Variants in AGPAT5 observed in about 807,000 individuals in gnomAD.
The protein encoded by AGPAT5 is 1-acylglycerol-3-phosphate O-acyltransferase 5, also known as 1-acyl-sn-glycerol-3-phosphate acyltransferase epsilon.
A neutral mutation model predicts 45.6 loss-of-function variants in AGPAT5; 46 were observed. That is an observed-to-expected ratio of 1.01 (90% confidence interval 0.80 to 1.29). AGPAT5 has a LOEUF of 1.29. AGPAT5 is among the 50% of genes most tolerant of loss of function. The pLI, the probability that AGPAT5 is intolerant of heterozygous loss-of-function variation, is 0.00. For missense variants in AGPAT5, 673 were observed against 450.7 expected, an observed-to-expected ratio of 1.49 and a Z score of -4.47; for synonymous variants, 272 against 167.0, an observed-to-expected ratio of 1.63 and a Z score of -4.85.
rs757728859 is a variant in AGPAT5, at chr8:6,730,705, C to T, written c.290-6C>T. On this transcript the variant is annotated splice_polypyrimidine_tract_variant and splice_region_variant and intron_variant, in intron 2 of 7. Coordinates refer to ENST00000285518, the MANE Select transcript of AGPAT5 (RefSeq NM_018361.5). Reference sequence around the variant, plus strand: ...TGTACGCGCTAACTGGGTCCTGTCTCTGCAGTTGACTGGATTGTTGCTGAC... The same window carrying T: ...TGTACGCGCTAACTGGGTCCTGTCTTTGCAGTTGACTGGATTGTTGCTGAC... 3.1e-6 allele frequency: 5 copies of T among 1,604,666 alleles called. No individual in the cohort carries two copies. The highest frequency in any genetic ancestry group is 1.7e-5 in the Admixed American group (1 of 59,942).
At chr8:6,730,885 T>TG (rs1800840573) in intron 3 of AGPAT5, 59 bp downstream of exon 3, 1 of 1,224,344 alleles carries the variant, frequency 8.2e-7, no homozygotes, top group Non-Finnish European at 1.1e-6. Flanking sequence ...TTTTTTTTTT[T>TG]TTTGGAGACA....
At chr8:6,755,588 G>A (rs1486867036) in intron 7 of AGPAT5, among the ~76,000 whole-genome samples, 1 of 152,208 alleles carries the variant, frequency 6.6e-6, no homozygotes, top group East Asian at 1.9e-4. Flanking sequence ...ATGCGGACGT[G>A]CAGGTGGACA....
rs376636029 is a variant in AGPAT5 at position 6,730,757 on chromosome 8, A to T, written c.336A>T (p.Leu112=). 1.2e-6 allele frequency: 2 copies of T among 1,613,656 alleles called. No individual in the cohort carries two copies. The highest frequency in any genetic ancestry group is 1.3e-5 in the African/African-American group (1 of 75,042). ...TCTTGGCCATCAGGCAGAATGCGCTAGGACATGTGCGCTACGTGCTGAAAG... is the reference window on the plus strand; with the variant it reads ...TCTTGGCCATCAGGCAGAATGCGCTTGGACATGTGCGCTACGTGCTGAAAG... ...ADILAIRQNA[L]GHVRYVLKEG... is the part of the protein sequence containing the mutation. The change falls in exon 3 of 8, where the codon CTA becomes CTT. Residue 112 remains leucine, a synonymous_variant. Coordinates refer to ENST00000285518, the MANE Select transcript of AGPAT5 (RefSeq NM_018361.5).
At chr8:6,720,185 T>C (rs1176264356) in intron 1 of AGPAT5, among the ~76,000 whole-genome samples, 5 of 152,162 alleles carry the variant, frequency 3.3e-5, no homozygotes, top group African/African-American at 1.2e-4. Flanking sequence ...GACCATGTGC[T>C]GTGGGAGTCA....
intron 1 of AGPAT5, among the ~76,000 whole-genome samples, chr8:6,718,261 C>A (rs1800396084): frequency 1.3e-5 from 2 of 152,192 alleles, no homozygotes; most frequent in Admixed American, 1.3e-4. Context: ...CAGGCCATGG[C>A]AGTTCCACAG....
At chr8:6,743,356 T>G (rs947323749) in intron 5 of AGPAT5, among the ~76,000 whole-genome samples, 1 of 152,230 alleles carries the variant, frequency 6.6e-6, no homozygotes, top group Non-Finnish European at 1.5e-5. Context: ...CTGGACCCAT[T>G]TGTACAATTG....
At chr8:6,712,987 A>G (rs754408553) in intron 1 of AGPAT5, among the ~76,000 whole-genome samples, 8 of 152,144 alleles carry the variant, frequency 5.3e-5, no homozygotes, top group Admixed American at 3.3e-4. Context: ...TCAACACGTA[A>G]TAGATTGGGG....
intron 4 of AGPAT5, among the ~76,000 whole-genome samples, chr8:6,735,015 C>A (rs1467146323): frequency 6.6e-6 from 1 of 152,046 alleles, no homozygotes; most frequent in African/African-American, 2.4e-5. Context: ...TGAACTCTCG[C>A]TAGTTTGGTG....
chr8:6,712,345 T>C (rs574089329), intron 1 of AGPAT5, among the ~76,000 whole-genome samples: 111 of 151,366 alleles, frequency 7.3e-4, no homozygotes, highest in African/African-American at 2.4e-3. Context: ...TTAATTCTTA[T>C]CTGATTCTGA....
chr8:6,719,359 A>G (rs1405062106), intron 1 of AGPAT5, among the ~76,000 whole-genome samples: 1 of 152,230 alleles, frequency 6.6e-6, no homozygotes, highest in African/African-American at 2.4e-5. Flanking sequence ...CAAGTAAGCC[A>G]TTGACGTGGA....
At chr8:6,743,159 C>T (rs1801293439) in intron 5 of AGPAT5, among the ~76,000 whole-genome samples, 1 of 152,172 alleles carries the variant, frequency 6.6e-6, no homozygotes, top group Admixed American at 6.5e-5. Context: ...GCCTCCTTTC[C>T]AGCCTCTTTC....
chr8:6,738,675 G>A (rs924490704), intron 4 of AGPAT5: 7 of 152,200 alleles, frequency 4.6e-5, no homozygotes, highest in African/African-American at 1.7e-4. Flanking sequence ...GATAAAATGA[G>A]ATGAGCCTGT....
intron 4 of AGPAT5, 119 bp from the exon 5 acceptor site, chr8:6,741,542 A>G: frequency 1.6e-6 from 1 of 620,370 alleles, no homozygotes; most frequent in South Asian, 2.6e-5. Context: ...AAATAAATAT[A>G]CATTTTCTCC....
chr8:6,748,544 G>A (rs1801554331), intron 6 of AGPAT5, among the ~76,000 whole-genome samples: 1 of 151,978 alleles, frequency 6.6e-6, no homozygotes, highest in Non-Finnish European at 1.5e-5. Flanking sequence ...TCGCTCTGTC[G>A]CCCAGGCTGG....
At chr8:6,735,141 G>C (rs1041416553) in intron 4 of AGPAT5, among the ~76,000 whole-genome samples, 7 of 152,128 alleles carry the variant, frequency 4.6e-5, no homozygotes, top group Non-Finnish European at 1.0e-4. Context: ...ATGTATTCCT[G>C]CCTTTACTAA....
At chr8:6,741,229 T>C (rs1801235712) in intron 4 of AGPAT5, among the ~76,000 whole-genome samples, 1 of 152,090 alleles carries the variant, frequency 6.6e-6, no homozygotes, top group South Asian at 2.1e-4. Flanking sequence ...ACTATATGAT[T>C]TTCATCAAAT....
intron 5 of AGPAT5, 98 bp downstream of exon 5, chr8:6,741,849 G>A: frequency 3.3e-6 from 3 of 901,476 alleles, no homozygotes; most frequent in East Asian, 2.5e-5. Flanking sequence ...TACAGTTGAA[G>A]GAATGAATGT....
chr8:6,732,672 T>C, intron 4 of AGPAT5, 22 bp downstream of exon 4: 3 of 1,554,780 alleles, frequency 1.9e-6, no homozygotes, highest in Non-Finnish European at 2.6e-6. Context: ...CCCGTTTTTA[T>C]TTTTCTTACC....
At chr8:6,721,273 A>G (rs916450611) in intron 1 of AGPAT5, among the ~76,000 whole-genome samples, 6 of 152,242 alleles carry the variant, frequency 3.9e-5, no homozygotes, top group African/African-American at 1.4e-4. Flanking sequence ...AGTTCAAGTA[A>G]TTATAAACAT....
Sources: allele counts gnomAD v4.1 joint callset (sites outside exome capture counted in the v4.1 genomes callset), GRCh38; gene constraint gnomAD v4.1.1; transcripts MANE v1.5; gene names NCBI Gene and HGNC (gene_info 2026-07-23, HGNC 2026-07-21).